Variants in SATB2 observed in about 807,000 individuals in gnomAD.
SATB2 encodes SATB homeobox 2, also known as DNA-binding protein SATB2.
A neutral mutation model predicts 73.4 loss-of-function variants in SATB2; 1 was observed. The ratio of observed to expected loss-of-function variants is 0.01; its 90% CI spans 0.00 to 0.06. SATB2 has a LOEUF of 0.06. SATB2 is among the 10% of genes least tolerant of loss of function. The pLI is 1.00. For missense variants in SATB2, 459 were observed against 945.8 expected (o/e 0.49, Z 6.75); for synonymous variants, 397 against 367.0 (o/e 1.08, Z -0.93).
intron 7 of SATB2, among the ~76,000 whole-genome samples, chr2:199,332,928 C>T (rs1403335719): frequency 2.0e-5 from 3 of 152,202 alleles, no homozygotes; most frequent in African/African-American, 7.2e-5. Context: ...AGAGAACTCA[C>T]ACCTGGGCCA....
intron 7 of SATB2, among the ~76,000 whole-genome samples, chr2:199,343,052 G>A (rs1688552866): frequency 6.6e-6 from 1 of 152,030 alleles, no homozygotes; most frequent in Non-Finnish European, 1.5e-5. Flanking sequence ...AAACTGGGCA[G>A]GGTTTTCTTT....
chr2:199,353,868 C>T (rs886906655), intron 6 of SATB2, among the ~76,000 whole-genome samples: 3 of 152,162 alleles, frequency 2.0e-5, no homozygotes, highest in Non-Finnish European at 4.4e-5. Context: ...CTGTCTTAAA[C>T]TAAACCAAGA....
At chr2:199,425,633 A>T (rs1238519465) in intron 3 of SATB2, among the ~76,000 whole-genome samples, 1 of 152,180 alleles carries the variant, frequency 6.6e-6, no homozygotes, top group Non-Finnish European at 1.5e-5. Flanking sequence ...TTCACCCTCT[A>T]CAAATTAACA....
chr2:199,289,110 T>C (rs1430857680), intron 10 of SATB2, among the ~76,000 whole-genome samples: 3 of 152,212 alleles, frequency 2.0e-5, no homozygotes, highest in African/African-American at 7.2e-5. Flanking sequence ...CTCTTAATTC[T>C]AGGGTAGGCT....
chr2:199,434,236 A>T (rs1174263245), intron 2 of SATB2, among the ~76,000 whole-genome samples: 1 of 152,152 alleles, frequency 6.6e-6, no homozygotes, highest in African/African-American at 2.4e-5. Context: ...GCCTATGTAA[A>T]ATTATTTTAT....
At chr2:199,421,148 T>C (rs766411413) in intron 3 of SATB2, among the ~76,000 whole-genome samples, 8 of 151,998 alleles carry the variant, frequency 5.3e-5, no homozygotes, top group African/African-American at 7.2e-5. Context: ...ATGACACTAT[T>C]AGAAAAAGTT....
upstream of SATB2, chr2:199,459,614 A>G (rs1261052403): frequency 6.5e-6 from 1 of 152,702 alleles, no homozygotes; most frequent in Non-Finnish European, 1.5e-5. The surrounding 1 kb of genome is among the most constrained non-coding windows in gnomAD (Gnocchi z 4.2). Flanking sequence ...TCCCTCCCGC[A>G]CACGTTGACT....
chr2:199,458,599 G>A (rs1255897455), upstream of SATB2: 2 of 432,936 alleles, frequency 4.6e-6, no homozygotes, highest in Non-Finnish European at 9.2e-6. Flanking sequence ...TCCCGGCGCG[G>A]AGGCGGCGGC....
At chr2:199,327,230 A>G (rs1056915099) in intron 8 of SATB2, among the ~76,000 whole-genome samples, 2 of 152,154 alleles carry the variant, frequency 1.3e-5, no homozygotes, top group South Asian at 4.1e-4. Context: ...ACTTGAGGTC[A>G]GGAGTTCGAG....
At chr2:199,465,459 T>C (rs1692575313), upstream of SATB2, among the ~76,000 whole-genome samples, 1 of 152,264 alleles carries the variant, frequency 6.6e-6, no homozygotes, top group South Asian at 2.1e-4. Flanking sequence ...CAATATCCGT[T>C]GTTTTCAGTA....
rs771083610 is a variant in SATB2 at position 199,323,836 on chromosome 2, G to C, written c.1509C>G (p.Ala503=). The C allele has an allele frequency of 1.2e-6, 2 of 1,613,284 alleles. No individual in the cohort carries two copies. The highest frequency in any genetic ancestry group is 2.2e-5 in the South Asian group (2 of 91,074). The change falls in exon 9 of 11, where the codon GCC becomes GCG. Residue 503 remains alanine (A), a synonymous_variant. Coordinates refer to ENST00000417098, the MANE Select transcript of SATB2 (RefSeq NM_001172509.2). ...QEMKRAKVSQ[A]LFAKVAANKS... is the part of the protein sequence containing the mutation. ...TATTTGCAGCCACTTTGGCAAACAG[G>C]GCTTGAGACACCTTGGCCCTTTTCA...
intron 3 of SATB2, among the ~76,000 whole-genome samples, chr2:199,402,018 A>T (rs538193394): frequency 6.6e-6 from 1 of 152,202 alleles, no homozygotes; most frequent in South Asian, 2.1e-4. Context: ...CCAGGTGAGA[A>T]GAGAGGGCCA....
intron 10 of SATB2, among the ~76,000 whole-genome samples, chr2:199,278,803 GTTAATTTACAT>G (rs1692394550): frequency 6.6e-6 from 1 of 152,102 alleles, no homozygotes; most frequent in South Asian, 2.1e-4. Context: ...CAAAAGAATG[GTTAATTTACAT>G]TTAACTGATT....
chr2:199,465,928 AGG>A (rs768827106), upstream of SATB2, among the ~76,000 whole-genome samples: 1 of 152,266 alleles, frequency 6.6e-6, no homozygotes, highest in East Asian at 1.9e-4. Context: ...AACCAAGACC[AGG>A]GAAAAGTCGG....
At chr2:199,352,790 A>AT (rs899846694) in intron 6 of SATB2, among the ~76,000 whole-genome samples, 22 of 151,688 alleles carry the variant, frequency 1.5e-4, no homozygotes, top group African/African-American at 4.1e-4. Flanking sequence ...ATTTCTTTAG[A>AT]TTTTTTTTTG....
chr2:199,301,798 C>G (rs1276902822), intron 10 of SATB2, among the ~76,000 whole-genome samples: 2 of 152,044 alleles, frequency 1.3e-5, no homozygotes, highest in Non-Finnish European at 2.9e-5. Flanking sequence ...ACAAGGTAGA[C>G]AGAGATACAC....
At chr2:199,461,078 G>A (rs1388327763), upstream of SATB2, among the ~76,000 whole-genome samples, 4 of 152,114 alleles carry the variant, frequency 2.6e-5, no homozygotes, top group Non-Finnish European at 5.9e-5. Context: ...TGTCAAATAC[G>A]ATTAATTATG....
rs560603703 is a variant in SATB2, at chr2:199,308,601, C to T, written c.1740+159G>A. On this transcript the variant is annotated intron_variant, in intron 10 of 10. Coordinates refer to ENST00000417098, the MANE Select transcript of SATB2 (RefSeq NM_001172509.2). The surrounding 1 kb of genome is among the most constrained non-coding windows in gnomAD (Gnocchi z 4.6). ...ACACACACACACATACACATACACA[C>T]AGTACCCACTGTGACGACAGCGTCT... Among the ~76,000 whole-genome samples, 250 of 152,186 alleles carry T rather than the reference C, an allele frequency of 1.6e-3. 1 individual carries two copies. The highest frequency in any genetic ancestry group is 5.7e-3 in the African/African-American group (236 of 41,512).
chr2:199,436,857 G>A (rs1271010342), intron 2 of SATB2, among the ~76,000 whole-genome samples: 1 of 150,280 alleles, frequency 6.7e-6, no homozygotes, highest in Non-Finnish European at 1.5e-5. Flanking sequence ...GAGAGAGAGA[G>A]AGAGAGATTT....
Sources: gnomAD v4.1 joint callset for allele counts (sites outside exome capture counted in the v4.1 genomes callset) on GRCh38, gnomAD v4.1.1 for gene constraint, Gnocchi (gnomAD v3.1) non-coding constraint, MANE v1.5 for transcripts, NCBI Gene and HGNC (gene_info 2026-07-23, HGNC 2026-07-21) for gene names.